CFAP77: variants seen among roughly 807,000 people sequenced by gnomAD.
CFAP77 encodes the protein cilia and flagella associated protein 77.
A neutral mutation model predicts 31.1 loss-of-function variants in CFAP77; 25 were observed. That is an observed-to-expected ratio of 0.80 (90% CI 0.59 to 1.12). CFAP77 has a LOEUF of 1.12. Among genes scored for constraint, CFAP77 ranks in the 50% most tolerant of loss-of-function variants. The pLI, the probability that CFAP77 is intolerant of heterozygous loss-of-function variation, is 0.00. For synonymous variants in CFAP77, 151 were observed against 159.9 expected (o/e 0.94, Z 0.42); for missense variants, 377 against 397.3 (o/e 0.95, Z 0.44).
chr9:132,461,457 C>G (rs927126895), intron 1 of CFAP77, among the ~76,000 whole-genome samples: 4 of 152,188 alleles, frequency 2.6e-5, no homozygotes, highest in East Asian at 1.9e-4. Context: ...CCTTCTGGCT[C>G]GGGGACCATG....
At position 132,517,878 on chromosome 9, in the gene CFAP77, T is replaced by A. The variant is rs1268633678; in HGVS notation, c.524+18278T>A. 6.6e-6 allele frequency among the ~76,000 whole-genome samples: 1 copy of A among 152,200 alleles called. No homozygotes were observed. The highest frequency in any genetic ancestry group is 1.5e-5 in the Non-Finnish European group (1 of 68,034). ...GTCTGGGGTATCAATCGCGGAGCAG[T>A]CAGGATGGGTTTGATGGAACTAATT... On this transcript the variant is annotated intron_variant, in intron 3 of 5. Coordinates refer to ENST00000393216, the MANE Select transcript of CFAP77 (RefSeq NM_001282957.2). This position sits in a 1 kb window ranked among gnomAD's most constrained non-coding sequence, Gnocchi z 4.7.
intron 1 of CFAP77, 31 bp downstream of exon 1, chr9:132,410,497 T>A: frequency 6.6e-7 from 1 of 1,519,418 alleles, no homozygotes; most frequent in Non-Finnish European, 8.8e-7. Flanking sequence ...GCGCTTTCGC[T>A]GTCGCCGGCT....
intron 5 of CFAP77, among the ~76,000 whole-genome samples, chr9:132,569,029 G>A (rs1296779349): frequency 6.6e-6 from 1 of 152,116 alleles, no homozygotes; most frequent in Non-Finnish European, 1.5e-5. Context: ...TGTAGTGATG[G>A]TTTCAGGGCT....
intron 1 of CFAP77, among the ~76,000 whole-genome samples, chr9:132,472,677 A>G (rs1040717284): frequency 3.3e-5 from 5 of 152,178 alleles, no homozygotes; most frequent in African/African-American, 9.7e-5. Context: ...TGTGGCGGGA[A>G]GATCACTTGA....
At chr9:132,500,234 A>G (rs943816298) in intron 3 of CFAP77, among the ~76,000 whole-genome samples, 3 of 151,248 alleles carry the variant, frequency 2.0e-5, no homozygotes, top group East Asian at 3.9e-4. Context: ...GCACGGCACC[A>G]CCCCCGGGAA....
At chr9:132,531,711 C>T (rs552821233) in intron 3 of CFAP77, among the ~76,000 whole-genome samples, 207 of 152,154 alleles carry the variant, frequency 1.4e-3, no homozygotes, top group African/African-American at 4.8e-3. Flanking sequence ...AAACCAGCTT[C>T]TCCACCTTTG....
intron 1 of CFAP77, among the ~76,000 whole-genome samples, chr9:132,487,257 A>G (rs1589881201): frequency 6.6e-6 from 1 of 152,146 alleles, no homozygotes; most frequent in African/African-American, 2.4e-5. Context: ...GACTTACCCA[A>G]GGTCACACGG....
chr9:132,434,833 T>G (rs569980163), intron 1 of CFAP77, among the ~76,000 whole-genome samples: 1 of 152,346 alleles, frequency 6.6e-6, no homozygotes, highest in East Asian at 1.9e-4. Context: ...ATGGGCACTT[T>G]GAAACCGTGA....
At chr9:132,476,806 G>A (rs923898508) in intron 1 of CFAP77, among the ~76,000 whole-genome samples, 1 of 152,116 alleles carries the variant, frequency 6.6e-6, no homozygotes, top group African/African-American at 2.4e-5. Context: ...GAGAGGCCTG[G>A]AATGAGTCCC....
chr9:132,453,088 GA>G (rs1184705260), intron 1 of CFAP77, among the ~76,000 whole-genome samples: 1 of 152,186 alleles, frequency 6.6e-6, no homozygotes, highest in Admixed American at 6.5e-5. Flanking sequence ...AGTGAAGCTG[GA>G]TGAACCTGGG....
rs137882324 is a variant in CFAP77, at chr9:132,561,373, C to G, written c.733-11015C>G. On this transcript the variant is annotated intron_variant, in intron 5 of 5. Coordinates refer to ENST00000393216, the MANE Select transcript of CFAP77 (RefSeq NM_001282957.2). ...TTTTTTTAAATCTGTTTTCCCCCCC[C>G]AAATCCTCCCTTTTGCCTTGTTAGT... Among the ~76,000 whole-genome samples, 32 of 151,758 alleles carry G rather than the reference C, an allele frequency of 2.1e-4. No homozygotes were observed. In the East Asian group the frequency reaches 3.7e-3, roughly 17 times the overall value.
Position 132,552,242 on chromosome 9 carries a change from T to C in CFAP77, c.732+9195T>C, listed in dbSNP as rs1041592257. Among the ~76,000 whole-genome samples the C allele has an allele frequency of 1.3e-5, 2 of 152,166 alleles. No individual in the cohort carries two copies. Among genetic ancestry groups the C allele is most frequent in the African/African-American group, 4.8e-5 (2 of 41,442 alleles). The stretch of plus-strand genomic sequence containing the variant: ...GGGGATGGCAACAGAGAGGACCAAG[T>C]GCAATCATGCGTGTGAAGCGCGTGG... On this transcript the variant is annotated intron_variant, in intron 5 of 5. Transcript: ENST00000393216. The surrounding 1 kb of genome is among the most constrained non-coding windows in gnomAD (Gnocchi z 5.5).
At chr9:132,467,971 G>A (rs1310831038) in intron 1 of CFAP77, among the ~76,000 whole-genome samples, 1 of 151,904 alleles carries the variant, frequency 6.6e-6, no homozygotes, top group African/African-American at 2.4e-5. Context: ...CTGAGATAAG[G>A]GGCACACAAG....
intron 3 of CFAP77, among the ~76,000 whole-genome samples, chr9:132,519,708 G>C (rs979507151): frequency 1.8e-5 from 1 of 54,248 alleles, no homozygotes; most frequent in Admixed American, 2.1e-4. Context: ...GGGTGGGTGG[G>C]TGGGTAGATG....
intron 4 of CFAP77, among the ~76,000 whole-genome samples, chr9:132,541,924 T>G (rs1391158039): frequency 6.6e-6 from 1 of 152,220 alleles, no homozygotes; most frequent in Non-Finnish European, 1.5e-5. Flanking sequence ...GCCCCGCCCT[T>G]GGAAGACAGT....
intron 1 of CFAP77, among the ~76,000 whole-genome samples, chr9:132,477,511 TC>T (rs1320798188): frequency 2.0e-5 from 3 of 152,134 alleles, no homozygotes; most frequent in Non-Finnish European, 2.9e-5. Flanking sequence ...GGGGTGCAGT[TC>T]CCAGTGGGAG....
At chr9:132,448,855 G>A (rs886217067) in intron 1 of CFAP77, among the ~76,000 whole-genome samples, 1 of 152,182 alleles carries the variant, frequency 6.6e-6, no homozygotes, top group Non-Finnish European at 1.5e-5. Context: ...CCAAAGTGGT[G>A]AGACTACAGG....
At position 132,424,514 on chromosome 9, in the gene CFAP77, G is replaced by T. The variant is rs556686071; in HGVS notation, c.195+14048G>T. Among the ~76,000 whole-genome samples, 1 of 152,210 alleles carries T rather than the reference G, an allele frequency of 6.6e-6. No homozygotes were observed. The highest frequency in any genetic ancestry group is 1.5e-5 in the Non-Finnish European group (1 of 68,028). On this transcript the variant is annotated intron_variant, in intron 1 of 5. Coordinates refer to ENST00000393216, the MANE Select transcript of CFAP77 (RefSeq NM_001282957.2). This position sits in a 1 kb window ranked among gnomAD's most constrained non-coding sequence, Gnocchi z 4.1. ...AGAGGAGGGACAGGTGTAGACAATG[G>T]CTAGACAAGGTGAGAAATTGGCTGC...
chr9:132,492,920 G>A (rs892206187), intron 1 of CFAP77, among the ~76,000 whole-genome samples: 1 of 152,214 alleles, frequency 6.6e-6, no homozygotes, highest in African/African-American at 2.4e-5. Flanking sequence ...GGCCTTGGAG[G>A]TATCCGGGGC....
Sources: gnomAD v4.1 joint callset for allele counts (sites outside exome capture counted in the v4.1 genomes callset) on GRCh38, gnomAD v4.1.1 for gene constraint, Gnocchi (gnomAD v3.1) non-coding constraint, MANE v1.5 for transcripts, NCBI Gene and HGNC (gene_info 2026-07-23, HGNC 2026-07-21) for gene names.